The following VAMP4 variants were observed in gnomAD, a reference collection of about 807,000 sequenced individuals.
VAMP4 encodes vesicle-associated membrane protein 4.
VAMP4 carries 19 observed loss-of-function variants against 23.5 expected under a neutral mutation model. The observed-to-expected ratio is 0.81, with a 90% confidence interval of 0.56 to 1.19. The LOEUF (loss-of-function observed/expected upper bound fraction) is 1.19, where lower values mean the gene tolerates loss of function less well. Ranked by LOEUF, VAMP4 falls within the 50% of genes most tolerant of loss-of-function variation. The pLI, the probability that VAMP4 is intolerant of heterozygous loss-of-function variation, is 0.00. For synonymous variants in VAMP4, 31 were observed against 51.0 expected (o/e 0.61, Z 1.67); for missense variants, 145 against 168.6 (o/e 0.86, Z 0.78).
intron 2 of VAMP4, 83 bp from the exon 3 acceptor site, chr1:171,728,653 T>C (rs753049629): frequency 2.2e-4 from 296 of 1,343,572 alleles, no homozygotes; most frequent in Middle Eastern, 5.7e-4. Flanking sequence ...ATAAGTCCTA[T>C]ACTAGTGAAA....
At chr1:171,709,809 A>G in intron 5 of VAMP4, 65 bp from the exon 6 acceptor site, 1 of 1,248,534 alleles carries the variant, frequency 8.0e-7, no homozygotes, top group Non-Finnish European at 1.2e-6. Context: ...ATCTAGTCAC[A>G]CAAAGATAAG....
At chr1:171,719,088 G>C in intron 4 of VAMP4, 83 bp downstream of exon 4, 1 of 1,242,046 alleles carries the variant, frequency 8.1e-7, no homozygotes, top group African/African-American at 1.5e-5. Flanking sequence ...GCTGCAGCCA[G>C]ATTTGGCTCA....
intron 6 of VAMP4, among the ~76,000 whole-genome samples, chr1:171,708,056 T>C (rs1654717167): frequency 6.6e-6 from 1 of 152,046 alleles, no homozygotes; most frequent in African/African-American, 2.4e-5. Flanking sequence ...TCCAGCACTT[T>C]GGGAGGCTGA....
intron 2 of VAMP4, among the ~76,000 whole-genome samples, chr1:171,733,294 CAAAAAAAAA>C (rs35176644): frequency 3.4e-5 from 2 of 58,114 alleles, no homozygotes; most frequent in African/African-American, 7.4e-5. Flanking sequence ...CCCATCTCTA[CAAAAAAAAA>C]AAAAAAAAAA....
intron 6 of VAMP4, among the ~76,000 whole-genome samples, chr1:171,708,337 C>CA (rs200077955): frequency 0.019 from 1,621 of 87,394 alleles, 26 homozygotes; most frequent in African/African-American, 0.026. Context: ...AAGAGTGCCA[C>CA]AAAAAAAAAA....
chr1:171,734,040 G>T (rs891446909), intron 2 of VAMP4, among the ~76,000 whole-genome samples: 2 of 152,092 alleles, frequency 1.3e-5, no homozygotes, highest in African/African-American at 4.8e-5. Flanking sequence ...GGCCGAGGTG[G>T]GTGAATCACC....
chr1:171,709,875 T>C, intron 5 of VAMP4, 131 bp from the exon 6 acceptor site: 1 of 672,818 alleles, frequency 1.5e-6, no homozygotes, highest in Non-Finnish European at 2.5e-6. Flanking sequence ...GAAAACAGCA[T>C]TCTCCCTTTT....
chr1:171,724,830 C>T (rs780429817), intron 3 of VAMP4, among the ~76,000 whole-genome samples: 14 of 152,012 alleles, frequency 9.2e-5, no homozygotes, highest in Non-Finnish European at 1.6e-4. Flanking sequence ...ACTATAAAGT[C>T]GTAGTACTCA....
chr1:171,719,325 C>T (rs551623032), intron 3 of VAMP4, 104 bp from the exon 4 acceptor site: 1 of 920,774 alleles, frequency 1.1e-6, no homozygotes, highest in Admixed American at 2.7e-5. Context: ...AAGCTGAACT[C>T]TAAACATGGA....
chr1:171,736,185 C>T (rs900297773), intron 2 of VAMP4, among the ~76,000 whole-genome samples: 2 of 152,148 alleles, frequency 1.3e-5, no homozygotes, highest in African/African-American at 4.8e-5. Flanking sequence ...CCACGCCTGG[C>T]CAAGACATGC....
chr1:171,736,838 A>G (rs1233860432), intron 2 of VAMP4, among the ~76,000 whole-genome samples: 4 of 152,024 alleles, frequency 2.6e-5, no homozygotes, highest in Non-Finnish European at 5.9e-5. Context: ...CTAGCTGGGC[A>G]TGATATCATG....
chr1:171,706,549 A>T, intron 6 of VAMP4, 131 bp from the exon 7 acceptor site: 1 of 773,520 alleles, frequency 1.3e-6, no homozygotes, highest in Non-Finnish European at 1.9e-6. Context: ...CAAAACTGAC[A>T]CAGAATGCTC....
chr1:171,733,256 G>T (rs1038204198), intron 2 of VAMP4, among the ~76,000 whole-genome samples: 1 of 118,282 alleles, frequency 8.5e-6, no homozygotes. Flanking sequence ...CCCGGAGTTC[G>T]AAACCAGCCT....
chr1:171,724,168 T>C (rs905240610), intron 3 of VAMP4, among the ~76,000 whole-genome samples: 2 of 152,040 alleles, frequency 1.3e-5, no homozygotes, highest in African/African-American at 4.8e-5. Context: ...TTCATGTCCT[T>C]TGTAGGGACA....
rs74373372 is a variant in VAMP4 at position 171,709,489 on chromosome 1, T to C, written c.345+176A>G. Among the ~76,000 whole-genome samples the C allele has an allele frequency of 0.011, 1,700 of 152,314 alleles. 39 individuals carry two copies. The highest frequency in any genetic ancestry group is 0.039 in the African/African-American group (1,632 of 41,572). On this transcript the variant is annotated intron_variant, in intron 6 of 7. Coordinates refer to ENST00000236192, the MANE Select transcript of VAMP4 (RefSeq NM_003762.5). ...TTAGGCATACTGATTTATTTAGTTA[T>C]CCCTATCCCAAAAGCAATTAAGTTA...
At chr1:171,709,273 G>A (rs1274119179) in intron 6 of VAMP4, among the ~76,000 whole-genome samples, 3 of 151,816 alleles carry the variant, frequency 2.0e-5, no homozygotes, top group Non-Finnish European at 2.9e-5. Flanking sequence ...CCTTTCAACC[G>A]AAAGTCATAT....
At chr1:171,723,058 C>T (rs576729988) in intron 3 of VAMP4, among the ~76,000 whole-genome samples, 3 of 152,098 alleles carry the variant, frequency 2.0e-5, no homozygotes, top group Non-Finnish European at 2.9e-5. Context: ...GGAGACATCA[C>T]GTGTCGGCAG....
At chr1:171,730,955 A>G (rs936605107) in intron 2 of VAMP4, among the ~76,000 whole-genome samples, 21 of 152,192 alleles carry the variant, frequency 1.4e-4, no homozygotes, top group African/African-American at 5.1e-4. Context: ...CTGTAATCCC[A>G]GCACTTTGGG....
In VAMP4 at chr1:171,715,265, C is replaced by T. The variant is rs139410740; in HGVS notation, c.164+3906G>A. Among the ~76,000 whole-genome samples the T allele has an allele frequency of 4.6e-4, 70 of 152,206 alleles. 1 individual carries two copies. The East Asian group carries it at 0.013, about 27-fold the overall frequency. ...AAGGGTGGAGATTTTTATATCATGG[C>T]CAGTTAAAGGCTATTCATATAAGAT... On this transcript the variant is annotated intron_variant, in intron 4 of 7. Transcript: ENST00000236192.
Sources: allele counts gnomAD v4.1 joint callset (sites outside exome capture counted in the v4.1 genomes callset), GRCh38; gene constraint gnomAD v4.1.1; transcripts MANE v1.5; gene names NCBI Gene and HGNC (gene_info 2026-07-23, HGNC 2026-07-21).